The following PDE3B variants were observed in gnomAD, a reference collection of about 807,000 sequenced individuals.
PDE3B encodes cGMP-inhibited 3',5'-cyclic phosphodiesterase 3B.
A neutral mutation model predicts 116.8 loss-of-function variants in PDE3B; 66 were observed. That is an observed-to-expected ratio of 0.56 (90% CI 0.46 to 0.69). PDE3B has a LOEUF of 0.69. Among genes scored for constraint, PDE3B ranks in the 30% least tolerant of loss-of-function variants. The probability of loss-of-function intolerance (pLI) is 0.00; values close to 1 mark genes in which losing one functional copy is unlikely to be tolerated. For missense variants in PDE3B, 1,384 were observed against 1,368.1 expected (o/e 1.01, Z -0.18); for synonymous variants, 595 against 533.6 (o/e 1.12, Z -1.59).
intron 1 of PDE3B, among the ~76,000 whole-genome samples, chr11:14,738,501 T>A (rs1234512496): frequency 3.9e-5 from 6 of 152,260 alleles, no homozygotes; most frequent in Non-Finnish European, 8.8e-5. Context: ...TCTTTGTAGA[T>A]TCTGAATATT....
chr11:14,733,146 A>C (rs930576395), intron 1 of PDE3B, among the ~76,000 whole-genome samples: 3 of 152,178 alleles, frequency 2.0e-5, no homozygotes, highest in Non-Finnish European at 4.4e-5. Context: ...ATGCTTGAAC[A>C]TTTTGATTTT....
At chr11:14,803,530 C>T (rs188900297) in intron 4 of PDE3B, among the ~76,000 whole-genome samples, 61 of 152,262 alleles carry the variant, frequency 4.0e-4, no homozygotes, top group Admixed American at 2.6e-3. Flanking sequence ...ACCTTGGGGA[C>T]GAGACCAGCA....
At chr11:14,812,323 G>A (rs1019907178) in intron 5 of PDE3B, among the ~76,000 whole-genome samples, 2 of 152,162 alleles carry the variant, frequency 1.3e-5, no homozygotes, top group Admixed American at 1.3e-4. Context: ...AGTGGAATTA[G>A]ATTTGAAAAC....
chr11:14,819,303 A>C, intron 7 of PDE3B, 94 bp downstream of exon 7: 1 of 724,108 alleles, frequency 1.4e-6, no homozygotes, highest in Admixed American at 2.0e-5. Flanking sequence ...ACTTCAGTTT[A>C]TCCATCTTTA....
intron 1 of PDE3B, among the ~76,000 whole-genome samples, chr11:14,656,077 T>C (rs1388045370): frequency 6.6e-6 from 1 of 152,140 alleles, no homozygotes; most frequent in Non-Finnish European, 1.5e-5. Context: ...TAATCATTTA[T>C]ATGAGAGACT....
intron 1 of PDE3B, among the ~76,000 whole-genome samples, chr11:14,703,399 T>C (rs1326083500): frequency 1.3e-5 from 2 of 151,624 alleles, no homozygotes; most frequent in Non-Finnish European, 3.0e-5. Flanking sequence ...TAAATTCAAC[T>C]AAGCCCTGTA....
intron 14 of PDE3B, among the ~76,000 whole-genome samples, chr11:14,864,495 A>G (rs1848008015): frequency 6.6e-6 from 1 of 152,212 alleles, no homozygotes. Context: ...TCAACAGAAT[A>G]TACATTCTTC....
chr11:14,709,650 T>C (rs1049069426), intron 1 of PDE3B, among the ~76,000 whole-genome samples: 1 of 152,146 alleles, frequency 6.6e-6, no homozygotes, highest in South Asian at 2.1e-4. Context: ...GGAGAGGAGA[T>C]AGCACCTCTC....
At chr11:14,665,523 T>A (rs965404364) in intron 1 of PDE3B, among the ~76,000 whole-genome samples, 1 of 152,126 alleles carries the variant, frequency 6.6e-6, no homozygotes, top group African/African-American at 2.4e-5. Flanking sequence ...AAAACCCCAT[T>A]GTCTCAGCCC....
chr11:14,811,292 G>A (rs1053923790), intron 5 of PDE3B, among the ~76,000 whole-genome samples: 42 of 150,488 alleles, frequency 2.8e-4, no homozygotes, highest in Non-Finnish European at 4.4e-4. Context: ...TAGGGTTTTT[G>A]TGGTTTTAGG....
At chr11:14,844,580 A>C (rs1280715342) in intron 12 of PDE3B, among the ~76,000 whole-genome samples, 1 of 152,204 alleles carries the variant, frequency 6.6e-6, no homozygotes, top group African/African-American at 2.4e-5. Flanking sequence ...TCCCTTTCCT[A>C]GTCAAAGAAA....
intron 2 of PDE3B, chr11:14,772,210 TTATA>T (rs1857666145): frequency 4.0e-6 from 1 of 247,544 alleles, no homozygotes; most frequent in South Asian, 1.1e-4. Flanking sequence ...AAAACAAAAT[TTATA>T]TAAATTGTTA....
At chr11:14,896,193 A>C in the PDE3B span, among the ~76,000 whole-genome samples, 1 of 152,232 alleles carries the variant, frequency 6.6e-6, no homozygotes, top group Admixed American at 6.5e-5. Context: ...GTTTCAAAAA[A>C]ATAGAAATGC....
At chr11:14,662,266 A>G (rs1390777929) in intron 1 of PDE3B, among the ~76,000 whole-genome samples, 2 of 152,174 alleles carry the variant, frequency 1.3e-5, no homozygotes, top group Non-Finnish European at 2.9e-5. Context: ...TAGAAGGAAA[A>G]CTAACAAACA....
At chr11:14,755,750 T>C (rs999889509) in intron 1 of PDE3B, among the ~76,000 whole-genome samples, 2 of 152,248 alleles carry the variant, frequency 1.3e-5, no homozygotes, top group African/African-American at 4.8e-5. Context: ...AAAAACTTTA[T>C]GGAAATATAT....
chr11:14,838,548 G>A (rs1860132244), intron 11 of PDE3B, among the ~76,000 whole-genome samples: 1 of 152,086 alleles, frequency 6.6e-6, no homozygotes, highest in South Asian at 2.1e-4. Flanking sequence ...TGTGTTGATT[G>A]CCTGAAAACC....
At chr11:14,662,262 G>A (rs1291820912) in intron 1 of PDE3B, among the ~76,000 whole-genome samples, 1 of 152,180 alleles carries the variant, frequency 6.6e-6, no homozygotes, top group Non-Finnish European at 1.5e-5. Flanking sequence ...CTGTTAGAAG[G>A]AAAACTAACA....
chr11:14,730,969 A>T (rs1022301004), intron 1 of PDE3B, among the ~76,000 whole-genome samples: 1 of 152,218 alleles, frequency 6.6e-6, no homozygotes, highest in South Asian at 2.1e-4. Flanking sequence ...ACGATTAAAC[A>T]TTAAAAAGTA....
chr11:14,781,530 C>T (rs1163551188), intron 2 of PDE3B, among the ~76,000 whole-genome samples: 1 of 152,168 alleles, frequency 6.6e-6, no homozygotes, highest in Non-Finnish European at 1.5e-5. Context: ...AAATGTAATC[C>T]ATGATATAAA....
Sources: gnomAD v4.1 joint callset for allele counts (sites outside exome capture counted in the v4.1 genomes callset) on GRCh38, gnomAD v4.1.1 for gene constraint, MANE v1.5 for transcripts, NCBI Gene and HGNC (gene_info 2026-07-23, HGNC 2026-07-21) for gene names.